Variants in HHAT observed in about 807,000 individuals in gnomAD.
HHAT encodes protein-cysteine N-palmitoyltransferase HHAT.
In HHAT, 47 loss-of-function variants were observed where a neutral mutation model predicts 70.8. The ratio of observed to expected loss-of-function variants is 0.66; its 90% confidence interval spans 0.53 to 0.85. The LOEUF (loss-of-function observed/expected upper bound fraction) is 0.85, where lower values mean the gene tolerates loss of function less well. Ranked by LOEUF, HHAT falls within the 40% of genes least tolerant of loss-of-function variation. HHAT has a pLI of 0.00. For synonymous variants in HHAT, 228 were observed against 247.6 expected (o/e 0.92, Z 0.74); for missense variants, 609 against 604.8 (o/e 1.01, Z -0.07).
At chr1:210,511,743 C>CA (rs2148578836) in intron 8 of HHAT, among the ~76,000 whole-genome samples, 1 of 149,194 alleles carries the variant, frequency 6.7e-6, no homozygotes, top group Non-Finnish European at 1.5e-5. Context: ...GTGATTCTGC[C>CA]TGGGGGACTA....
At chr1:210,394,445 C>T (rs2091662439) in intron 4 of HHAT, among the ~76,000 whole-genome samples, 1 of 152,066 alleles carries the variant, frequency 6.6e-6, no homozygotes. Context: ...GATTGGATGT[C>T]ACGGGTCAGA....
intron 11 of HHAT, among the ~76,000 whole-genome samples, chr1:210,625,755 T>C (rs574251379): frequency 6.6e-6 from 1 of 152,252 alleles, no homozygotes; most frequent in South Asian, 2.1e-4. Flanking sequence ...ATCCAGTGGC[T>C]TTTTCTAAGC....
At chr1:210,458,599 G>A (rs75886219) in intron 7 of HHAT, among the ~76,000 whole-genome samples, 1 of 152,252 alleles carries the variant, frequency 6.6e-6, no homozygotes, top group East Asian at 1.9e-4. Context: ...ACAAAATGGA[G>A]GAAGGGGACC....
chr1:210,361,526 C>A (rs2088314493), intron 2 of HHAT, among the ~76,000 whole-genome samples: 1 of 151,720 alleles, frequency 6.6e-6, no homozygotes, highest in African/African-American at 2.4e-5. Flanking sequence ...TGCCTGTGGT[C>A]TGACGCTTGG....
At chr1:210,540,910 G>C (rs569642254) in intron 9 of HHAT, among the ~76,000 whole-genome samples, 1 of 151,552 alleles carries the variant, frequency 6.6e-6, no homozygotes, top group Non-Finnish European at 1.5e-5. Flanking sequence ...GTGCAATCTC[G>C]GCTCACTGCA....
intron 8 of HHAT, among the ~76,000 whole-genome samples, chr1:210,512,670 CAAAAAAA>C (rs34037290): frequency 1.0e-5 from 1 of 96,538 alleles, no homozygotes; most frequent in African/African-American, 3.8e-5. Flanking sequence ...GACCTTGTCT[CAAAAAAA>C]AAAAAAAAAA....
Position 210,533,550 on chromosome 1 carries a change from C to A in HHAT, c.1043+20362C>A, listed in dbSNP as rs76566914. On this transcript the variant is annotated intron_variant, in intron 9 of 11. Transcript: ENST00000261458. ...TGTTTGTAATCACCTCTGAGACTCA[C>A]AGACAACCTGCAGCTTTCTGTCTGT... is the stretch of plus-strand genomic sequence containing the variant. 1.9e-3 allele frequency among the ~76,000 whole-genome samples: 284 copies of A among 152,312 alleles called. 5 individuals carry two copies. In the East Asian group the frequency reaches 0.037, roughly 20 times the overall value.
intron 3 of HHAT, among the ~76,000 whole-genome samples, chr1:210,372,164 G>A (rs559807053): frequency 1.2e-4 from 18 of 152,276 alleles, no homozygotes; most frequent in African/African-American, 4.1e-4. Flanking sequence ...GGCCCTGCTC[G>A]TGGGTCCTGC....
chr1:210,340,614 C>T (rs181683478), intron 1 of HHAT, among the ~76,000 whole-genome samples: 94 of 152,186 alleles, frequency 6.2e-4, no homozygotes, highest in South Asian at 1.5e-3. Flanking sequence ...CAAGGTAAAT[C>T]GGTTAGGTTT....
chr1:210,380,691 G>T (rs574388454), intron 3 of HHAT, among the ~76,000 whole-genome samples: 104 of 152,226 alleles, frequency 6.8e-4, no homozygotes, highest in Non-Finnish European at 8.5e-4. Context: ...CCTGGGAGAA[G>T]GCTTGCCTGA....
At chr1:210,452,131 A>G (rs1466287470) in intron 7 of HHAT, among the ~76,000 whole-genome samples, 3 of 152,218 alleles carry the variant, frequency 2.0e-5, no homozygotes, top group South Asian at 4.1e-4. Flanking sequence ...TAGACTGCCA[A>G]TTCCCAGCGA....
intron 9 of HHAT, among the ~76,000 whole-genome samples, chr1:210,558,661 G>A (rs1448346574): frequency 6.6e-6 from 1 of 152,234 alleles, no homozygotes; most frequent in East Asian, 1.9e-4. Flanking sequence ...AGGCTTTGGT[G>A]AAGTGAGGAA....
At chr1:210,623,046 G>C (rs1383755397) in intron 10 of HHAT, among the ~76,000 whole-genome samples, 1 of 152,096 alleles carries the variant, frequency 6.6e-6, no homozygotes, top group Non-Finnish European at 1.5e-5. Flanking sequence ...CTTTCCTTAG[G>C]GTAGAATGAA....
At chr1:210,327,535 C>T (rs1176909872), upstream of HHAT, among the ~76,000 whole-genome samples, 3 of 152,012 alleles carry the variant, frequency 2.0e-5, no homozygotes, top group Admixed American at 1.3e-4. Context: ...AGACAGAGTC[C>T]GGCTCAGTCA....
intron 8 of HHAT, among the ~76,000 whole-genome samples, chr1:210,504,135 G>A (rs1236146987): frequency 1.3e-5 from 2 of 152,160 alleles, no homozygotes; most frequent in Admixed American, 1.3e-4. Flanking sequence ...TAAAGGACTT[G>A]TTTCCAGAAT....
At chr1:210,340,622 T>C (rs151306135) in intron 1 of HHAT, among the ~76,000 whole-genome samples, 252 of 152,282 alleles carry the variant, frequency 1.7e-3, no homozygotes, top group African/African-American at 5.9e-3. Context: ...ATCGGTTAGG[T>C]TTAGTTTGCC....
chr1:210,404,768 G>A, intron 6 of HHAT, 89 bp downstream of exon 6: 1 of 991,018 alleles, frequency 1.0e-6, no homozygotes. Flanking sequence ...GAGTCGTTTT[G>A]TTCAGAGGTG....
chr1:210,600,639 G>A lies in HHAT; in HGVS notation c.1245+12540G>A, dbSNP rs559692043. On this transcript the variant is annotated intron_variant, in intron 10 of 11. Coordinates refer to ENST00000261458, the MANE Select transcript of HHAT (RefSeq NM_018194.6). ...GGCATTTTCACAAAGCACCCAAGCT[G>A]GGTGGACGTAGAGGAGTTACTGCTG... is the stretch of plus-strand genomic sequence containing the variant. Among the ~76,000 whole-genome samples the A allele has an allele frequency of 6.7e-4, 102 of 152,272 alleles. 1 individual carries two copies. The highest frequency in any genetic ancestry group is 2.4e-3 in the African/African-American group (98 of 41,566).
chr1:210,571,230 A>G (rs184440318), intron 9 of HHAT, among the ~76,000 whole-genome samples: 220 of 152,262 alleles, frequency 1.4e-3, no homozygotes, highest in African/African-American at 5.2e-3. Flanking sequence ...AGGAAAGCTA[A>G]TGATGTTGGA....
Sources: allele counts gnomAD v4.1 joint callset (sites outside exome capture counted in the v4.1 genomes callset), GRCh38; gene constraint gnomAD v4.1.1; transcripts MANE v1.5; gene names NCBI Gene and HGNC (gene_info 2026-07-23, HGNC 2026-07-21).